The following COL22A1 variants were observed in gnomAD, a reference collection of about 807,000 sequenced individuals.
COL22A1 encodes the protein collagen type XXII alpha 1 chain.
Under a neutral mutation model 248.9 loss-of-function variants are expected in COL22A1, and 221 were observed. The observed-to-expected ratio is 0.89, with a 90% CI of 0.80 to 0.99. COL22A1 has a LOEUF of 0.99. COL22A1 is among the 50% of genes least tolerant of loss of function. The probability of loss-of-function intolerance (pLI) is 0.00; values close to 1 mark genes in which losing one functional copy is unlikely to be tolerated. For missense variants in COL22A1, 2,240 were observed against 2,179.0 expected (o/e 1.03, Z -0.56); for synonymous variants, 891 against 793.4 (o/e 1.12, Z -2.07).
intron 12 of COL22A1, among the ~76,000 whole-genome samples, chr8:138,793,926 G>C (rs1303218036): frequency 6.6e-6 from 1 of 152,204 alleles, no homozygotes; most frequent in Admixed American, 6.5e-5. Context: ...ATGGGAAGGA[G>C]GTCACAGAGC....
chr8:138,904,607 A>AT (rs34150275), intron 1 of COL22A1, among the ~76,000 whole-genome samples: 2 of 151,222 alleles, frequency 1.3e-5, no homozygotes. Context: ...ATTCTTCCCA[A>AT]TTTTTTTTCT....
chr8:138,623,482 T>A (rs1318298467), intron 52 of COL22A1, among the ~76,000 whole-genome samples: 1 of 152,030 alleles, frequency 6.6e-6, no homozygotes, highest in African/African-American at 2.4e-5. Flanking sequence ...AGCCCTGGGC[T>A]CAGGTTCAGA....
chr8:138,712,364 G>T (rs77773632), intron 30 of COL22A1, among the ~76,000 whole-genome samples: 4,694 of 152,220 alleles, frequency 0.031, 89 homozygotes, highest in African/African-American at 0.069. Context: ...GGTGCATTTG[G>T]TCAGAACTGA....
intron 1 of COL22A1, among the ~76,000 whole-genome samples, chr8:138,899,987 A>G (rs1471849479): frequency 2.0e-5 from 3 of 152,356 alleles, no homozygotes; most frequent in African/African-American, 7.2e-5. Context: ...ATGATGATGC[A>G]GATGATATAA....
At chr8:138,644,386 G>A (rs1255381823) in intron 47 of COL22A1, among the ~76,000 whole-genome samples, 1 of 152,022 alleles carries the variant, frequency 6.6e-6, no homozygotes, top group Non-Finnish European at 1.5e-5. Flanking sequence ...ATATGCGGCT[G>A]CCACCACTGT....
chr8:138,843,954 T>A, intron 4 of COL22A1, 130 bp downstream of exon 4: 1 of 819,504 alleles, frequency 1.2e-6, no homozygotes, highest in South Asian at 1.4e-5. Flanking sequence ...AACCACTTTA[T>A]CAGGACTCTG....
chr8:138,783,001 T>G (rs1449528632), intron 12 of COL22A1, among the ~76,000 whole-genome samples: 1 of 152,146 alleles, frequency 6.6e-6, no homozygotes, highest in African/African-American at 2.4e-5. Flanking sequence ...ACTGACTTAC[T>G]TGTAAGTTGC....
At chr8:138,715,814 T>A in intron 29 of COL22A1, 79 bp from the exon 30 acceptor site, 1 of 1,045,626 alleles carries the variant, frequency 9.6e-7, no homozygotes, top group Non-Finnish European at 1.5e-6. Flanking sequence ...AAGAGCAACA[T>A]GACTTTGGAA....
At chr8:138,630,144 G>A (rs559038191) in intron 50 of COL22A1, among the ~76,000 whole-genome samples, 24 of 152,276 alleles carry the variant, frequency 1.6e-4, no homozygotes, top group African/African-American at 4.8e-4. Flanking sequence ...AGTGGTTCTG[G>A]CAGCTTCAAG....
chr8:138,721,579 T>TAAA (rs1829874086), intron 26 of COL22A1, among the ~76,000 whole-genome samples: 1 of 151,832 alleles, frequency 6.6e-6, no homozygotes, highest in Non-Finnish European at 1.5e-5. Context: ...AATACATAAA[T>TAAA]AAACGTATTT....
chr8:138,838,288 T>C (rs1820588086), intron 4 of COL22A1, among the ~76,000 whole-genome samples: 1 of 152,056 alleles, frequency 6.6e-6, no homozygotes, highest in African/African-American at 2.4e-5. Flanking sequence ...GGGCTCTTAC[T>C]CAGAGGAGGC....
In COL22A1 at chr8:138,883,220, C is replaced by T. The variant is rs1824379098; in HGVS notation, c.-48G>A. On this transcript the variant is annotated 5_prime_UTR_variant, in exon 2 of 65. Transcript: ENST00000303045. Reference sequence around the variant, plus strand: ...GGCTTCTCTTGGCCAGGAAGAGACGCTGTTAGGGTCTACAGCAGCATGGCC... The same window carrying T: ...GGCTTCTCTTGGCCAGGAAGAGACGTTGTTAGGGTCTACAGCAGCATGGCC... The T allele has an allele frequency of 1.3e-6, 2 of 1,519,672 alleles. No homozygotes were observed. Among genetic ancestry groups the T allele is most frequent in the South Asian group, 1.2e-5 (1 of 83,398 alleles). 94.1% of individuals were successfully genotyped at this position (1,519,672 alleles called of 1,614,324 possible). A position where few individuals can be genotyped will look rare whatever the true frequency, so the allele number is the denominator to read the frequency against.
At chr8:138,597,331 T>C (rs1817627135) in intron 61 of COL22A1, among the ~76,000 whole-genome samples, 5 of 152,212 alleles carry the variant, frequency 3.3e-5, no homozygotes, top group Admixed American at 3.3e-4. Context: ...CCCTAATCTC[T>C]GCTGCCAAAG....
intron 42 of COL22A1, 97 bp from the exon 43 acceptor site, chr8:138,662,180 G>T: frequency 1.0e-6 from 1 of 980,610 alleles, no homozygotes; most frequent in Non-Finnish European, 1.6e-6. Flanking sequence ...TCAACACATG[G>T]TCTGTTGCTA....
intron 9 of COL22A1, among the ~76,000 whole-genome samples, chr8:138,811,312 C>G (rs1400238392): frequency 6.7e-6 from 1 of 150,218 alleles, no homozygotes; most frequent in Non-Finnish European, 1.5e-5. Context: ...TATACACATA[C>G]ATACACACAC....
intron 22 of COL22A1, among the ~76,000 whole-genome samples, chr8:138,744,571 T>C (rs898727847): frequency 1.3e-5 from 2 of 152,082 alleles, no homozygotes; most frequent in African/African-American, 4.8e-5. Flanking sequence ...ATGCCCCAGG[T>C]ATAAGTACCC....
At chr8:138,706,521 C>T (rs552675516) in intron 30 of COL22A1, among the ~76,000 whole-genome samples, 1 of 152,288 alleles carries the variant, frequency 6.6e-6, no homozygotes, top group South Asian at 2.1e-4. Context: ...ACTGAACAAC[C>T]TGCTCCTAAA....
chr8:138,604,902 A>T, intron 58 of COL22A1, 133 bp from the exon 59 acceptor site: 1 of 837,924 alleles, frequency 1.2e-6, no homozygotes, highest in South Asian at 1.6e-5. Context: ...TACCTGGCCA[A>T]GGACATCCCA....
In COL22A1 at chr8:138,738,064, T is replaced by C. The variant is rs191295467; in HGVS notation, c.2086-487A>G. Among the ~76,000 whole-genome samples the C allele has an allele frequency of 5.3e-3, 805 of 152,298 alleles. 7 individuals carry two copies. The highest frequency in any genetic ancestry group is 6.5e-3 in the Non-Finnish European group (439 of 68,024). ...CATTCAACCTGTTAAACTTTGCTTC[T>C]TTGTTTCCATTTAATTTATCTAAGC... is the stretch of plus-strand genomic sequence containing the variant. On this transcript the variant is annotated intron_variant, in intron 22 of 64. Transcript: ENST00000303045.
Sources: allele counts gnomAD v4.1 joint callset (sites outside exome capture counted in the v4.1 genomes callset), GRCh38; gene constraint gnomAD v4.1.1; transcripts MANE v1.5; gene names NCBI Gene and HGNC (gene_info 2026-07-23, HGNC 2026-07-21).